Variants in EIF4G1 observed in about 807,000 individuals in gnomAD.
The protein encoded by EIF4G1 is eukaryotic translation initiation factor 4 gamma 1, also known as EIF4-gamma.
EIF4G1 carries 4 observed loss-of-function variants against 187.8 expected under a neutral mutation model. The ratio of observed to expected loss-of-function variants is 0.02; its 90% CI spans 0.01 to 0.05. The LOEUF is 0.05. Ranked by LOEUF, EIF4G1 falls within the 10% of genes least tolerant of loss-of-function variation. The pLI, the probability that EIF4G1 is intolerant of heterozygous loss-of-function variation, is 1.00. For missense variants in EIF4G1, 1,647 were observed against 2,081.1 expected (o/e 0.79, Z 4.06); for synonymous variants, 844 against 781.4 (o/e 1.08, Z -1.34).
chr3:184,320,732 G>C lies in EIF4G1; in HGVS notation c.630+10G>C, dbSNP rs758105706. The C allele has an allele frequency of 2.5e-6, 4 of 1,614,166 alleles. No individual in the cohort carries two copies. Among genetic ancestry groups the C allele is most frequent in the Non-Finnish European group, 3.4e-6 (4 of 1,180,014 alleles). ...ACCCACCCCTCCCCAGGTACTGTCT[G>C]CTTTTCGAGTGATACCCTGGCTGGG... On this transcript the variant is annotated intron_variant, in intron 8 of 32. Transcript: ENST00000346169.
chr3:184,320,935 C>T lies in EIF4G1; in HGVS notation c.639C>T (p.Gly213=), dbSNP rs750889981. The change falls in exon 9 of 33, where the codon GGC becomes GGT. Residue 213 remains glycine (G), a synonymous_variant. Coordinates refer to ENST00000346169, the MANE Select transcript of EIF4G1 (RefSeq NM_198241.3). ...ASTPTPPQTG[G]GLEPQANGET... is the part of the protein sequence containing the mutation. Reference sequence around the variant, plus strand: ...CCCTTTGTGTCCTGCAGACGGGAGGCGGTCTGGAGCCTCAAGCTAATGGGG... The same window carrying T: ...CCCTTTGTGTCCTGCAGACGGGAGGTGGTCTGGAGCCTCAAGCTAATGGGG... 38 of 1,614,044 alleles carry T rather than the reference C, an allele frequency of 2.4e-5. No homozygotes were observed. In the Middle Eastern group the frequency reaches 6.6e-4, roughly 28 times the overall value.
chr3:184,319,446 TG>T lies in EIF4G1; in HGVS notation c.425-242del, dbSNP rs1330108786. Among the ~76,000 whole-genome samples the T allele has an allele frequency of 2.1e-4, 16 of 76,308 alleles. No individual in the cohort carries two copies. In the East Asian group the frequency reaches 4.8e-3, roughly 23 times the overall value. 50.1% of individuals were successfully genotyped at this position (76,308 alleles called of 152,430 possible). A position where few individuals can be genotyped will look rare whatever the true frequency, so the allele number is the denominator to read the frequency against. On this transcript the variant is annotated intron_variant, in intron 6 of 32. Coordinates refer to ENST00000346169, the MANE Select transcript of EIF4G1 (RefSeq NM_198241.3). ...CGAGGGGTGTGTGTGTGTGTGTGTG[TG>T]TGTGTGTGTGTGTGTGTGTTTGTGT... is the stretch of plus-strand genomic sequence containing the variant.
Position 184,316,765 on chromosome 3 carries a change from T to C in EIF4G1, c.147+547T>C, listed in dbSNP as rs1467538341. 1.9e-6 allele frequency: 3 copies of C among 1,592,308 alleles called. No homozygotes were observed. The South Asian group carries it at 3.3e-5, about 18-fold the overall frequency. On this transcript the variant is annotated intron_variant, in intron 4 of 32. Coordinates refer to ENST00000346169, the MANE Select transcript of EIF4G1 (RefSeq NM_198241.3). ...TCCCTTTCCCAACCCTGGACAGTCT[T>C]CTGGTCTCATCCTTACCCTCCACCC...
chr3:184,330,025 T>C (rs1484801529), intron 28 of EIF4G1, among the ~76,000 whole-genome samples: 1 of 152,218 alleles, frequency 6.6e-6, no homozygotes, highest in Admixed American at 6.5e-5. Context: ...ATAAGCATAT[T>C]GAACTATTTG....
Position 184,323,653 on chromosome 3 carries a change from C to A in EIF4G1, c.2274+60C>A. The A allele has an allele frequency of 1.2e-6, 2 of 1,611,668 alleles. No individual in the cohort carries two copies. Among genetic ancestry groups the A allele is most frequent in the Non-Finnish European group, 1.7e-6 (2 of 1,179,146 alleles). ...TTCTTCTCCAGGTCTGCCATCTGTG[C>A]CCTCTTTGCTTCTTTTTGTCCTTAT... is the stretch of plus-strand genomic sequence containing the variant. On this transcript the variant is annotated intron_variant, in intron 15 of 32. Coordinates refer to ENST00000346169, the MANE Select transcript of EIF4G1 (RefSeq NM_198241.3). This position sits in a 1 kb window ranked among gnomAD's most constrained non-coding sequence, Gnocchi z 6.9.
In EIF4G1 at chr3:184,325,916, C is replaced by T; in HGVS notation, c.3187C>T (p.Pro1063Ser). Residue 1063 changes from proline to serine, a missense_variant, in exon 21 of 33, where the codon CCC becomes TCC. Physicochemically the swap from Pro to Ser is moderately conservative, Grantham distance 74 (BLOSUM62 -1). Around this residue, in one of 11 missense-constraint regions of EIF4G1, gnomAD observed 142 missense variants for 296.6 expected, o/e 0.48. Transcript: ENST00000346169. The surrounding 1 kb of genome is among the most constrained non-coding windows in gnomAD (Gnocchi z 5.2). ...NTVPISKGSR[P>S]IDTSRLTKIT... Reference sequence around the variant, plus strand: ...AGTTCCCATCAGCAAAGGTAGCCGCCCCATTGACACCTCACGACTCACCAA... The same window carrying T: ...AGTTCCCATCAGCAAAGGTAGCCGCTCCATTGACACCTCACGACTCACCAA... 6.2e-7 allele frequency: 1 copy of T among 1,614,066 alleles called. No homozygotes were observed. The highest frequency in any genetic ancestry group is 1.6e-4 in the Middle Eastern group (1 of 6,062).
chr3:184,321,062 G>A (rs1022692396), intron 9 of EIF4G1, 69 bp downstream of exon 9: 1 of 1,572,316 alleles, frequency 6.4e-7, no homozygotes, highest in Non-Finnish European at 8.7e-7. Flanking sequence ...CTGAGGTGGT[G>A]GAGTGACTTG....
rs371315525 is a variant in EIF4G1 at position 184,334,685 on chromosome 3, C to T, written c.4619-42C>T. The T allele has an allele frequency of 2.5e-5, 40 of 1,612,834 alleles. No homozygotes were observed. The highest frequency in any genetic ancestry group is 2.7e-5 in the African/African-American group (2 of 74,858). ...GGTTCCCTGGGGTGGGCTGGGGTGG[C>T]GGTGGCCAGTCACCTCTAACTGCTG... On this transcript the variant is annotated intron_variant, in intron 32 of 32. Transcript: ENST00000346169. The surrounding 1 kb of genome is among the most constrained non-coding windows in gnomAD (Gnocchi z 5.8).
intron 4 of EIF4G1, chr3:184,316,568 T>G: frequency 1.3e-6 from 1 of 788,882 alleles, no homozygotes; most frequent in Non-Finnish European, 2.0e-6. Context: ...AGGTAAACAC[T>G]CCAGCTGGTC....
intron 6 of EIF4G1, 193 bp from the exon 7 acceptor site, chr3:184,319,496 G>A: frequency 3.7e-6 from 2 of 546,204 alleles, no homozygotes; most frequent in Non-Finnish European, 6.9e-6. Flanking sequence ...AGGAATTCTT[G>A]TAAACGCAGT....
intron 28 of EIF4G1, among the ~76,000 whole-genome samples, chr3:184,330,219 A>G (rs1725780339): frequency 6.6e-6 from 1 of 152,146 alleles, no homozygotes; most frequent in Non-Finnish European, 1.5e-5. Flanking sequence ...TCTACTAAAA[A>G]TACAAAAAAA....
At chr3:184,327,551 G>A (rs760976182) in intron 24 of EIF4G1, 35 bp from the exon 25 acceptor site, 227 of 1,613,400 alleles carry the variant, frequency 1.4e-4, no homozygotes, top group Non-Finnish European at 1.9e-4. Flanking sequence ...TGGGAAGACT[G>A]AAAAGTCCCT....
chr3:184,334,832 A>G lies in EIF4G1; in HGVS notation c.4724A>G (p.Lys1575Arg). 6.2e-7 allele frequency: 1 copy of G among 1,614,208 alleles called. No homozygotes were observed. The highest frequency in any genetic ancestry group is 2.2e-5 in the East Asian group (1 of 44,882). ...SSKDPAEQQG[K>R]GVALKSVTAF... ...AAGGACCCCGCTGAGCAGCAGGGCA[A>G]GGGTGTGGCCCTTAAATCTGTCACA... The change falls in exon 33 of 33, where the codon AAG becomes AGG. Residue 1575 changes from lysine (K) to arginine (R), a missense_variant. This residue lies in a region of EIF4G1 where 543 missense variants were observed against 638.0 expected (regional missense o/e 0.85). Coordinates refer to ENST00000346169, the MANE Select transcript of EIF4G1 (RefSeq NM_198241.3). The surrounding 1 kb of genome is among the most constrained non-coding windows in gnomAD (Gnocchi z 5.8).
Position 184,325,538 on chromosome 3 carries a change from A to G in EIF4G1, c.3020A>G (p.Lys1007Arg). 1 of 1,614,194 alleles carries G rather than the reference A, an allele frequency of 6.2e-7. No homozygotes were observed. The highest frequency in any genetic ancestry group is 8.5e-7 in the Non-Finnish European group (1 of 1,180,040). Residue 1007 changes from lysine to arginine, a missense_variant, in exon 20 of 33, where the codon AAG becomes AGG. Physicochemically the swap from Lys to Arg is conservative, Grantham distance 26. This residue lies in a region of EIF4G1 where 142 missense variants were observed against 296.6 expected (regional missense o/e 0.48). Transcript: ENST00000346169. This position sits in a 1 kb window ranked among gnomAD's most constrained non-coding sequence, Gnocchi z 5.2. ...QGPKTIDQIH[K>R]EAEMEEHREH... ...CCCAAGACCATTGACCAGATCCATA[A>G]GGAGGCTGAGATGGAAGAACATCGA...
rs1418348787 is a variant in EIF4G1, at chr3:184,315,507, C to A, written c.-73C>A. ...ACCCCAGGCCCTCGGATGCCCAGAACCTGTAGGCCGCACCGTGGACTTGTT... is the reference window on the plus strand; with the variant it reads ...ACCCCAGGCCCTCGGATGCCCAGAAACTGTAGGCCGCACCGTGGACTTGTT... On this transcript the variant is annotated 5_prime_UTR_variant, in exon 2 of 33. Transcript: ENST00000346169. 2 of 692,494 alleles carry A rather than the reference C, an allele frequency of 2.9e-6. No individual in the cohort carries two copies. Among genetic ancestry groups the A allele is most frequent in the South Asian group, 2.7e-5 (2 of 73,088 alleles). The allele number at this position is 692,494 out of a possible 1,614,324, so 42.9% of individuals were successfully genotyped here.
In EIF4G1 at chr3:184,325,282, A is replaced by G; in HGVS notation, c.2870A>G (p.Gln957Arg). The G allele has an allele frequency of 6.2e-7, 1 of 1,614,206 alleles. No homozygotes were observed. The highest frequency in any genetic ancestry group is 8.5e-7 in the Non-Finnish European group (1 of 1,180,042). Reference sequence around the variant, plus strand: ...TCTCCTTCCTAGCCCCGAATGGATCAGTATTTCAACCAGATGGAAAAAATC... The same window carrying G: ...TCTCCTTCCTAGCCCCGAATGGATCGGTATTTCAACCAGATGGAAAAAATC... ...DFEKAKPRMDQYFNQMEKIIK... is the reference protein window; with the variant it reads ...DFEKAKPRMDRYFNQMEKIIK... Residue 957 changes from glutamine (Q) to arginine (R), a missense_variant, in exon 19 of 33, where the codon CAG (glutamine) becomes CGG (arginine). By Grantham distance (43) the Gln-to-Arg change is conservative. Transcript: ENST00000346169. The surrounding 1 kb of genome is among the most constrained non-coding windows in gnomAD (Gnocchi z 5.2).
In EIF4G1 at chr3:184,327,395, G is replaced by A; in HGVS notation, c.3608G>A (p.Gly1203Glu). 6.2e-7 allele frequency: 1 copy of A among 1,613,620 alleles called. No homozygotes were observed. Among genetic ancestry groups the A allele is most frequent in the Non-Finnish European group, 8.5e-7 (1 of 1,180,022 alleles). ...AGAGAACGGCCCTCCCAGCCTGAGGGGCTGCGCAAGGCAGCTAGCCTCACG... is the reference window on the plus strand; with the variant it reads ...AGAGAACGGCCCTCCCAGCCTGAGGAGCTGCGCAAGGCAGCTAGCCTCACG... ...RSRERPSQPE[G>E]LRKAASLTED... Residue 1203 changes from glycine (G) to glutamate (E), a missense_variant, in exon 24 of 33, where the codon GGG (glycine) becomes GAG (glutamate). Coordinates refer to ENST00000346169, the MANE Select transcript of EIF4G1 (RefSeq NM_198241.3).
At position 184,317,326 on chromosome 3, in the gene EIF4G1, C is replaced by T. The variant is rs1467387947; in HGVS notation, c.153C>T (p.Phe51=). The part of the protein sequence containing the change: ...MNTPSQPRQH[F]YPSRAQPPSS... ...GCTTTCCTCCCTCCTGACAGCACTT[C>T]TACCCTAGCCGGGCCCAGCCCCCGA... The change falls in exon 5 of 33, where the codon TTC becomes TTT. Residue 51 remains phenylalanine (F), a synonymous_variant. Coordinates refer to ENST00000346169, the MANE Select transcript of EIF4G1 (RefSeq NM_198241.3). 3.7e-6 allele frequency: 6 copies of T among 1,614,074 alleles called. No homozygotes were observed. The highest frequency in any genetic ancestry group is 5.1e-6 in the Non-Finnish European group (6 of 1,180,012).
chr3:184,331,892 A>G (rs553586655), intron 31 of EIF4G1, 54 bp from the exon 32 acceptor site: 1 of 1,613,926 alleles, frequency 6.2e-7, no homozygotes, highest in Admixed American at 1.7e-5. Flanking sequence ...TTGGCCTCCC[A>G]GTTCTGAACC....
Sources: allele counts gnomAD v4.1 joint callset (sites outside exome capture counted in the v4.1 genomes callset), GRCh38; gene constraint gnomAD v4.1.1; regional missense constraint gnomAD v4.1.1; non-coding constraint Gnocchi (gnomAD v3.1); transcripts MANE v1.5; gene names NCBI Gene and HGNC (gene_info 2026-07-23, HGNC 2026-07-21).